Variants in ATXN1 observed in about 807,000 individuals in gnomAD.
The protein encoded by ATXN1 is ataxin-1.
Under a neutral mutation model 56.4 loss-of-function variants are expected in ATXN1, and 8 were observed. The ratio of observed to expected loss-of-function variants is 0.14; its 90% confidence interval spans 0.08 to 0.26. The LOEUF is 0.26. ATXN1 is among the 10% of genes least tolerant of loss of function. ATXN1 has a pLI of 1.00. For synonymous variants in ATXN1, 514 were observed against 494.6 expected, an observed-to-expected ratio of 1.04 and a Z score of -0.52; for missense variants, 987 against 1,106.5, an observed-to-expected ratio of 0.89 and a Z score of 1.53.
intron 4 of ATXN1, among the ~76,000 whole-genome samples, chr6:16,539,608 C>G (rs1324108851): frequency 6.6e-6 from 1 of 152,112 alleles, no homozygotes; most frequent in Non-Finnish European, 1.5e-5. Flanking sequence ...ATTTGCTTGC[C>G]ATCATTTCTT....
chr6:16,322,892 C>T (rs569616197), intron 7 of ATXN1, among the ~76,000 whole-genome samples: 1 of 152,200 alleles, frequency 6.6e-6, no homozygotes. Flanking sequence ...TTGCGTCAGG[C>T]CTTGCACTTT....
chr6:16,441,495 A>G (rs1359975819), intron 6 of ATXN1, among the ~76,000 whole-genome samples: 2 of 152,194 alleles, frequency 1.3e-5, no homozygotes, highest in Non-Finnish European at 2.9e-5. Context: ...TATTATAAGA[A>G]GAAAAATCAG....
chr6:16,493,451 T>TTG (rs989458181), intron 5 of ATXN1, among the ~76,000 whole-genome samples: 1 of 151,836 alleles, frequency 6.6e-6, no homozygotes, highest in Non-Finnish European at 1.5e-5. Context: ...CAGAAGTTTT[T>TTG]TTTTTTTTTT....
intron 3 of ATXN1, among the ~76,000 whole-genome samples, chr6:16,606,867 T>TTTGTGTGTGTGTGTGTGTGTGTGTGTGTG (rs1554119512): frequency 2.4e-5 from 3 of 126,810 alleles, no homozygotes; most frequent in South Asian, 6.1e-4. Context: ...GTTCCATGAG[T>TTTGTGTGTGTGTGTGTGTGTGTGTGTGTG]TGTGTGTGTG....
chr6:16,503,530 C>A (rs1760924199), intron 5 of ATXN1, among the ~76,000 whole-genome samples: 1 of 152,202 alleles, frequency 6.6e-6, no homozygotes, highest in South Asian at 2.1e-4. Flanking sequence ...CAGCTGGACA[C>A]AGTCTTAACT....
intron 3 of ATXN1, among the ~76,000 whole-genome samples, chr6:16,627,600 G>A (rs935114387): frequency 6.6e-5 from 10 of 152,166 alleles, no homozygotes; most frequent in Non-Finnish European, 1.3e-4. Flanking sequence ...GGTGGCTCAC[G>A]CCTGTCATAC....
At chr6:16,602,767 C>G (rs116589930) in intron 3 of ATXN1, among the ~76,000 whole-genome samples, 1 of 151,960 alleles carries the variant, frequency 6.6e-6, no homozygotes, top group African/African-American at 2.4e-5. Flanking sequence ...AAATTCTGAA[C>G]GGGGAAAGAG....
chr6:16,719,041 A>C (rs1759695704), intron 2 of ATXN1, among the ~76,000 whole-genome samples: 1 of 152,200 alleles, frequency 6.6e-6, no homozygotes, highest in African/African-American at 2.4e-5. Flanking sequence ...TTTATTTCCC[A>C]TAACATTTGC....
At chr6:16,320,892 C>T (rs1465454264) in intron 7 of ATXN1, among the ~76,000 whole-genome samples, 1 of 152,222 alleles carries the variant, frequency 6.6e-6, no homozygotes, top group Non-Finnish European at 1.5e-5. Context: ...GGATTACAGG[C>T]AGGGTAAAAA....
At chr6:16,501,265 C>T (rs956019105) in intron 5 of ATXN1, among the ~76,000 whole-genome samples, 10 of 152,160 alleles carry the variant, frequency 6.6e-5, no homozygotes, top group African/African-American at 1.7e-4. Context: ...ATTCTGTTTC[C>T]ATTATTATGC....
At chr6:16,703,608 T>C (rs1197372517) in intron 2 of ATXN1, among the ~76,000 whole-genome samples, 1 of 152,204 alleles carries the variant, frequency 6.6e-6, no homozygotes, top group African/African-American at 2.4e-5. Flanking sequence ...TAACAATGAC[T>C]ATACTGGGCT....
At chr6:16,419,960 T>C (rs889421869) in intron 6 of ATXN1, among the ~76,000 whole-genome samples, 1 of 152,188 alleles carries the variant, frequency 6.6e-6, no homozygotes, top group Non-Finnish European at 1.5e-5. Flanking sequence ...TGGGTGGCCA[T>C]GATCCGAGGG....
At position 16,480,422 on chromosome 6, in the gene ATXN1, G is replaced by C. The variant is rs375360364; in HGVS notation, c.-161+5550C>G. 9.9e-5 allele frequency among the ~76,000 whole-genome samples: 15 copies of C among 152,030 alleles called. No individual in the cohort carries two copies. In the South Asian group the frequency reaches 3.1e-3, roughly 32 times the overall value. On this transcript the variant is annotated intron_variant, in intron 6 of 7. Transcript: ENST00000436367. ...GTTGAAATTCCACCTCTGCTTGAAG[G>C]CTCAATTTAGATGTCTTCCCTGAAA... is the stretch of plus-strand genomic sequence containing the variant.
intron 3 of ATXN1, among the ~76,000 whole-genome samples, chr6:16,607,465 T>C (rs1189811523): frequency 6.6e-6 from 1 of 152,240 alleles, no homozygotes; most frequent in Non-Finnish European, 1.5e-5. Flanking sequence ...CGCTGCATGG[T>C]AATTGAGCTT....
intron 6 of ATXN1, among the ~76,000 whole-genome samples, chr6:16,379,567 G>A (rs75670595): frequency 0.097 from 14,750 of 152,230 alleles, 771 homozygotes; most frequent in Non-Finnish European, 0.12. Context: ...CAAGCAGAAA[G>A]TAACAGCTTA....
intron 2 of ATXN1, among the ~76,000 whole-genome samples, chr6:16,674,506 C>A (rs946373798): frequency 6.7e-6 from 1 of 149,520 alleles, no homozygotes; most frequent in Non-Finnish European, 1.5e-5. Flanking sequence ...CCCACCACCA[C>A]GCCCAGCTAA....
chr6:16,441,536 C>G (rs1759516940), intron 6 of ATXN1, among the ~76,000 whole-genome samples: 1 of 151,230 alleles, frequency 6.6e-6, no homozygotes, highest in African/African-American at 2.4e-5. Flanking sequence ...GACATGCCCC[C>G]AAAACAGATG....
At chr6:16,608,058 C>G (rs76445886) in intron 3 of ATXN1, among the ~76,000 whole-genome samples, 1 of 152,198 alleles carries the variant, frequency 6.6e-6, no homozygotes, top group Non-Finnish European at 1.5e-5. Context: ...GCTGAAATTG[C>G]TATGTGCTGA....
At chr6:16,557,224 G>A (rs961951488) in intron 4 of ATXN1, among the ~76,000 whole-genome samples, 2 of 151,606 alleles carry the variant, frequency 1.3e-5, no homozygotes, top group East Asian at 1.9e-4. Flanking sequence ...TTACTGGGGA[G>A]GCTAAGGCAC....
Sources: allele counts gnomAD v4.1 joint callset (sites outside exome capture counted in the v4.1 genomes callset), GRCh38; gene constraint gnomAD v4.1.1; transcripts MANE v1.5; gene names NCBI Gene and HGNC (gene_info 2026-07-23, HGNC 2026-07-21).